TATDN2: variants seen among roughly 807,000 people sequenced by gnomAD.
TATDN2 encodes 3'-5' RNA nuclease TATDN2.
Under a neutral mutation model 60.3 loss-of-function variants are expected in TATDN2, and 44 were observed. That is an observed-to-expected ratio of 0.73 (90% CI 0.57 to 0.94). The LOEUF is 0.94. Among genes scored for constraint, TATDN2 ranks in the 40% least tolerant of loss-of-function variants. The pLI is 0.00. For missense variants in TATDN2, 997 were observed against 948.0 expected (o/e 1.05, Z -0.68); for synonymous variants, 399 against 355.8 (o/e 1.12, Z -1.37).
chr3:10,264,967 C>T (rs568293552), intron 3 of TATDN2, among the ~76,000 whole-genome samples: 21 of 147,016 alleles, frequency 1.4e-4, no homozygotes, highest in South Asian at 4.3e-4. Context: ...TGAGCCACCG[C>T]GCCTGGCTCA....
chr3:10,276,363 A>G lies in TATDN2; in HGVS notation c.1836A>G (p.Val612=), dbSNP rs1428793442. Residue 612 remains valine, a splice_region_variant and synonymous_variant, in exon 5 of 8, where the codon GTA becomes GTG. Coordinates refer to ENST00000448281, the MANE Select transcript of TATDN2 (RefSeq NM_014760.4). ...GTTGTCGCTGTGTCCTCTCCTAGGT[A>G]TTTGAGAGACAGCTGCAGCTGGCTG... ...CTTPVPEQHK[V]FERQLQLAVS... 1.2e-6 allele frequency: 2 copies of G among 1,613,658 alleles called. No homozygotes were observed. The highest frequency in any genetic ancestry group is 1.7e-6 in the Non-Finnish European group (2 of 1,179,780).
intron 3 of TATDN2, among the ~76,000 whole-genome samples, chr3:10,262,928 T>C (rs1303794817): frequency 1.3e-5 from 2 of 152,010 alleles, no homozygotes; most frequent in Non-Finnish European, 2.9e-5. Context: ...TGAGACAGAG[T>C]TTTGCTCTGT....
At chr3:10,268,571 A>G (rs528535939) in intron 3 of TATDN2, among the ~76,000 whole-genome samples, 13 of 152,204 alleles carry the variant, frequency 8.5e-5, no homozygotes, top group Non-Finnish European at 1.8e-4. Context: ...GTATTTCTCA[A>G]ACCTGGTCTG....
At chr3:10,252,687 T>C (rs538260268) in intron 2 of TATDN2, among the ~76,000 whole-genome samples, 70 of 145,000 alleles carry the variant, frequency 4.8e-4, no homozygotes, top group Admixed American at 4.7e-3. Flanking sequence ...GTGTCTGCTC[T>C]GTAAACTTTT....
rs3072531 is a variant in TATDN2 at position 10,257,294 on chromosome 3, TTA to T, written c.415-2825_415-2824del. ...AGTGAGATTTTGCCTCAAAAAAAAA[TTA>T]TATATATATATATATATGAATTCCT... On this transcript the variant is annotated intron_variant, in intron 2 of 7. Transcript: ENST00000448281. Among the ~76,000 whole-genome samples the T allele has an allele frequency of 3.9e-4, 52 of 133,482 alleles. 1 individual carries two copies. Among genetic ancestry groups the T allele is most frequent in the South Asian group, 1.8e-3 (7 of 3,966 alleles). The allele number at this position is 133,482 out of a possible 152,430, so 87.6% of individuals were successfully genotyped here.
In TATDN2 at chr3:10,278,015, C is replaced by G. The variant is rs1016470888; in HGVS notation, c.1962-264C>G. 1.3e-5 allele frequency among the ~76,000 whole-genome samples: 2 copies of G among 152,104 alleles called. No individual in the cohort carries two copies. The highest frequency in any genetic ancestry group is 2.9e-5 in the Non-Finnish European group (2 of 68,030). ...GAAGCATTTCCTATCCCAGTGTGTTCTCTGTGGTGGTCATCTCAGGGGACT... is the reference window on the plus strand; with the variant it reads ...GAAGCATTTCCTATCCCAGTGTGTTGTCTGTGGTGGTCATCTCAGGGGACT... On this transcript the variant is annotated intron_variant, in intron 5 of 7. Transcript: ENST00000448281. The surrounding 1 kb of genome is among the most constrained non-coding windows in gnomAD (Gnocchi z 4.7).
intron 2 of TATDN2, 32 bp from the exon 3 acceptor site, chr3:10,260,105 C>G (rs752743080): frequency 7.6e-6 from 12 of 1,581,562 alleles, no homozygotes; most frequent in African/African-American, 1.4e-5. Flanking sequence ...GCCCTTGGAA[C>G]AGCCCTTTCA....
In TATDN2 at chr3:10,278,275, C is replaced by T. The variant is rs547919470; in HGVS notation, c.1962-4C>T. 6.2e-7 allele frequency: 1 copy of T among 1,612,708 alleles called. No individual in the cohort carries two copies. The highest frequency in any genetic ancestry group is 1.1e-5 in the South Asian group (1 of 90,884). On this transcript the variant is annotated splice_region_variant and splice_polypyrimidine_tract_variant and intron_variant, in intron 5 of 7. Transcript: ENST00000448281. This position sits in a 1 kb window ranked among gnomAD's most constrained non-coding sequence, Gnocchi z 4.7. Reference sequence around the variant, plus strand: ...GCAGCCCTGATGTGGAGTTCTGTCTCCAGGCATTGCTTCACCGGCAGCTAC... The same window carrying T: ...GCAGCCCTGATGTGGAGTTCTGTCTTCAGGCATTGCTTCACCGGCAGCTAC...
intron 3 of TATDN2, 48 bp from the exon 4 acceptor site, chr3:10,270,083 C>G: frequency 6.4e-7 from 1 of 1,559,336 alleles, no homozygotes; most frequent in Non-Finnish European, 8.7e-7. Context: ...GGGAGGCCAT[C>G]TTCACATCGG....
chr3:10,271,035 TCTG>T lies in TATDN2; in HGVS notation c.1833+23_1833+25del. Reference sequence around the variant, plus strand: ...CACAAGGTAACAAGGCTCTCTTTAGTCTGCTTATAGTTTTAATTTTTCTTTTAG... The same window carrying T: ...CACAAGGTAACAAGGCTCTCTTTAGTCTTATAGTTTTAATTTTTCTTTTAG... On this transcript the variant is annotated intron_variant, in intron 4 of 7. Transcript: ENST00000448281. The T allele has an allele frequency of 6.6e-7, 1 of 1,522,944 alleles. No individual in the cohort carries two copies. The highest frequency in any genetic ancestry group is 8.8e-7 in the Non-Finnish European group (1 of 1,142,706). The allele number at this position is 1,522,944 out of a possible 1,614,324, so 94.3% of individuals were successfully genotyped here.
chr3:10,267,983 T>C (rs1698502076), intron 3 of TATDN2, among the ~76,000 whole-genome samples: 2 of 152,260 alleles, frequency 1.3e-5, no homozygotes, highest in South Asian at 2.1e-4. Context: ...TTTTCTGTTA[T>C]AACCGAGATA....
rs1698703946 is a variant in TATDN2, at chr3:10,279,890, G to A, written c.*708G>A. On this transcript the variant is annotated 3_prime_UTR_variant, in exon 8 of 8. Transcript: ENST00000448281. ...GATCCAGGACAGACTGGGGGACTCC[G>A]GGAAGAGGCTTTCTTGGGGAAGAGG... 1 of 153,664 alleles carries A rather than the reference G, an allele frequency of 6.5e-6. No homozygotes were observed. The highest frequency in any genetic ancestry group is 2.4e-5 in the African/African-American group (1 of 41,420). The allele number at this position is 153,664 out of a possible 1,614,324, so 9.5% of individuals were successfully genotyped here.
chr3:10,274,019 G>A (rs1454079630), intron 4 of TATDN2, among the ~76,000 whole-genome samples: 1 of 152,160 alleles, frequency 6.6e-6, no homozygotes, highest in Non-Finnish European at 1.5e-5. Flanking sequence ...CAACTCCCAG[G>A]AGAGACTAAC....
rs147579093 is a variant in TATDN2 at position 10,270,572 on chromosome 3, A to C, written c.1390A>C (p.Thr464Pro). The change falls in exon 4 of 8, where the codon ACA (threonine) becomes CCA (proline). Residue 464 changes from threonine (T) to proline (P), a missense_variant. Thr to Pro is a conservative substitution (Grantham distance 38). Coordinates refer to ENST00000448281, the MANE Select transcript of TATDN2 (RefSeq NM_014760.4). ...AGAAAGAGAGGTGAAGGAGAAAAGA[A>C]CATTCCAAGAGGAGATGCCTCCGCG... is the stretch of plus-strand genomic sequence containing the variant. ...SEEREVKEKR[T>P]FQEEMPPRPC... 5.6e-6 allele frequency: 9 copies of C among 1,614,114 alleles called. No homozygotes were observed. Among genetic ancestry groups the C allele is most frequent in the Non-Finnish European group, 7.6e-6 (9 of 1,180,054 alleles).
intron 2 of TATDN2, among the ~76,000 whole-genome samples, chr3:10,254,949 A>C (rs556181044): frequency 2.0e-4 from 30 of 152,068 alleles, no homozygotes; most frequent in Non-Finnish European, 4.3e-4. Flanking sequence ...CCTCCAGCCT[A>C]GGAGAGTGTT....
At chr3:10,271,949 G>A (rs997656656) in intron 4 of TATDN2, among the ~76,000 whole-genome samples, 6 of 151,696 alleles carry the variant, frequency 4.0e-5, no homozygotes, top group Admixed American at 3.9e-4. Flanking sequence ...GACTAGTCTC[G>A]AGCTCCTGAC....
chr3:10,252,299 G>A (rs972279275), intron 2 of TATDN2, among the ~76,000 whole-genome samples: 4 of 151,918 alleles, frequency 2.6e-5, no homozygotes, highest in South Asian at 2.1e-4. Context: ...TGTGCCAGCT[G>A]GATTGTCTTC....
intron 3 of TATDN2, among the ~76,000 whole-genome samples, chr3:10,264,207 T>G (rs533956661): frequency 3.5e-4 from 54 of 152,292 alleles, no homozygotes; most frequent in African/African-American, 1.3e-3. Context: ...TTTAATGTTC[T>G]TCTGTAACTC....
At position 10,270,265 on chromosome 3, in the gene TATDN2, T is replaced by C. The variant is rs145595744; in HGVS notation, c.1083T>C (p.Ser361=). The change falls in exon 4 of 8, where the codon TCT becomes TCC. Residue 361 remains serine, a synonymous_variant. Coordinates refer to ENST00000448281, the MANE Select transcript of TATDN2 (RefSeq NM_014760.4). The stretch of plus-strand genomic sequence containing the variant: ...AACCTTCAGCCGTTCCGGAGCCTTC[T>C]TCCTTCACCACCGACTATGTCATGT... ...SLKPSAVPEP[S]SFTTDYVMYP... 620 of 1,614,222 alleles carry C rather than the reference T, an allele frequency of 3.8e-4. 1 individual carries two copies. The African/African-American group carries it at 6.2e-3, about 16-fold the overall frequency.
Sources: allele counts gnomAD v4.1 joint callset (sites outside exome capture counted in the v4.1 genomes callset), GRCh38; gene constraint gnomAD v4.1.1; non-coding constraint Gnocchi (gnomAD v3.1); transcripts MANE v1.5; gene names NCBI Gene and HGNC (gene_info 2026-07-23, HGNC 2026-07-21).